PTH2R: variants seen among roughly 807,000 people sequenced by gnomAD.
PTH2R encodes PTH2 receptor.
Under a neutral mutation model 60.3 loss-of-function variants are expected in PTH2R, and 59 were observed. That is an observed-to-expected ratio of 0.98 (90% CI 0.79 to 1.22). PTH2R has a LOEUF of 1.22. PTH2R is among the 50% of genes most tolerant of loss of function. The pLI is 0.00. For synonymous variants in PTH2R, 256 were observed against 243.8 expected, an observed-to-expected ratio of 1.05 and a Z score of -0.47; for missense variants, 749 against 682.6, an observed-to-expected ratio of 1.10 and a Z score of -1.08.
Position 208,489,048 on chromosome 2 carries a change from CTT to C in PTH2R, c.1115_1116del (p.Phe372TrpfsTer26), listed in dbSNP as rs1207832564. 1 of 1,613,950 alleles carries C rather than the reference CTT, an allele frequency of 6.2e-7. No individual in the cohort carries two copies. Among genetic ancestry groups the C allele is most frequent in the Non-Finnish European group, 8.5e-7 (1 of 1,180,012 alleles). On this transcript the variant is annotated frameshift_variant, in exon 11 of 13. Coordinates refer to ENST00000272847, the MANE Select transcript of PTH2R (RefSeq NM_005048.4). LOFTEE classifies it high-confidence loss of function. ...AATCGACACTGGTCCTGGTCCTAGT[CTT>C]TGGAGTGCATTACATCGTGTTCGTA... is the stretch of plus-strand genomic sequence containing the variant. ...AKSTLVLVLV[F>X]GVHYIVFVCL...
intron 1 of PTH2R, among the ~76,000 whole-genome samples, chr2:208,419,572 G>T (rs1356287989): frequency 6.6e-6 from 1 of 152,084 alleles, no homozygotes; most frequent in African/African-American, 2.4e-5. Context: ...CATTGCTTTT[G>T]GTGTTTTAGA....
Position 208,489,162 on chromosome 2 carries a change from T to A in PTH2R, c.1215+12T>A. ...TCAACTCCTTTCAGGTAAAGGGTGCTGCCTAGTCATCTGATTCTTGTAATT... is the reference window on the plus strand; with the variant it reads ...TCAACTCCTTTCAGGTAAAGGGTGCAGCCTAGTCATCTGATTCTTGTAATT... On this transcript the variant is annotated intron_variant, in intron 11 of 12. Transcript: ENST00000272847. 6.8e-6 allele frequency: 11 copies of A among 1,613,710 alleles called. No individual in the cohort carries two copies. The highest frequency in any genetic ancestry group is 9.3e-6 in the Non-Finnish European group (11 of 1,179,818).
At chr2:208,484,193 A>C (rs1703223232) in intron 10 of PTH2R, among the ~76,000 whole-genome samples, 1 of 152,270 alleles carries the variant, frequency 6.6e-6, no homozygotes, top group African/African-American at 2.4e-5. Flanking sequence ...GAAAAACAGA[A>C]AACACCTTTC....
chr2:208,389,806 C>T (rs751594521), intron 1 of PTH2R, among the ~76,000 whole-genome samples: 9 of 150,442 alleles, frequency 6.0e-5, no homozygotes, highest in African/African-American at 1.2e-4. Flanking sequence ...TCTTTTTTTG[C>T]GGGGGTGGGG....
At chr2:208,439,818 A>T (rs1702147059) in intron 4 of PTH2R, among the ~76,000 whole-genome samples, 1 of 152,192 alleles carries the variant, frequency 6.6e-6, no homozygotes, top group African/African-American at 2.4e-5. Context: ...ATTTAGCAGT[A>T]TATATTTAAA....
chr2:208,472,740 G>A (rs1702913142), intron 9 of PTH2R, among the ~76,000 whole-genome samples: 1 of 152,132 alleles, frequency 6.6e-6, no homozygotes, highest in Non-Finnish European at 1.5e-5. Context: ...TCTTAACAAA[G>A]TTAATCTCCT....
chr2:208,467,773 A>G (rs1438171293), intron 9 of PTH2R, among the ~76,000 whole-genome samples: 1 of 152,184 alleles, frequency 6.6e-6, no homozygotes, highest in Non-Finnish European at 1.5e-5. Flanking sequence ...GCATTTCAAA[A>G]AGATGGTTCC....
At chr2:208,481,833 T>A (rs1302453522) in intron 10 of PTH2R, among the ~76,000 whole-genome samples, 1 of 152,246 alleles carries the variant, frequency 6.6e-6, no homozygotes, top group Non-Finnish European at 1.5e-5. Context: ...TTGTTTTTAA[T>A]CTTTACATCA....
intron 1 of PTH2R, among the ~76,000 whole-genome samples, chr2:208,408,983 C>T (rs909158000): frequency 1.3e-5 from 2 of 152,066 alleles, no homozygotes; most frequent in African/African-American, 2.4e-5. Flanking sequence ...ACCCTGTCTC[C>T]TCTATCCACT....
At chr2:208,453,345 T>C (rs1358875056) in intron 8 of PTH2R, among the ~76,000 whole-genome samples, 1 of 152,244 alleles carries the variant, frequency 6.6e-6, no homozygotes, top group Non-Finnish European at 1.5e-5. Context: ...CATTTCATGG[T>C]GAAAACCATA....
chr2:208,444,964 T>G, intron 7 of PTH2R, 77 bp downstream of exon 7: 3 of 1,420,474 alleles, frequency 2.1e-6, no homozygotes, highest in Non-Finnish European at 2.9e-6. Context: ...ATCATTAGCA[T>G]CCCTACAGCC....
intron 7 of PTH2R, 144 bp from the exon 8 acceptor site, chr2:208,450,605 T>A: frequency 2.8e-6 from 2 of 727,256 alleles, no homozygotes; most frequent in Non-Finnish European, 2.3e-6. Context: ...TTAAGTGGAC[T>A]TTTCTTGTTC....
chr2:208,379,026 A>T lies in PTH2R; in HGVS notation c.-259+18789A>T, dbSNP rs551290104. 3.9e-5 allele frequency among the ~76,000 whole-genome samples: 6 copies of T among 152,246 alleles called. No individual in the cohort carries two copies. In the South Asian group the frequency reaches 1.2e-3, roughly 32 times the overall value. On this transcript the variant is annotated intron_variant, in intron 1 of 12. Transcript: ENST00000617735. ...AAGACACAGTGTTAACTGAAGACACAGTTGAAAACTAAAGATAGCTAGTGA... is the reference window on the plus strand; with the variant it reads ...AAGACACAGTGTTAACTGAAGACACTGTTGAAAACTAAAGATAGCTAGTGA...
In PTH2R at chr2:208,406,985, G is replaced by C; in HGVS notation, c.-59G>C. ...TCTGGGCCAGCCAAGTTGGCAACTTGGAAGCTTCTCCCGGGCTCTGGAGGA... is the reference window on the plus strand; with the variant it reads ...TCTGGGCCAGCCAAGTTGGCAACTTCGAAGCTTCTCCCGGGCTCTGGAGGA... On this transcript the variant is annotated 5_prime_UTR_variant, in exon 1 of 13. Transcript: ENST00000272847. The C allele has an allele frequency of 7.5e-7, 1 of 1,337,022 alleles. No individual in the cohort carries two copies. Among genetic ancestry groups the C allele is most frequent in the Non-Finnish European group, 9.7e-7 (1 of 1,028,070 alleles). The allele number at this position is 1,337,022 out of a possible 1,614,324, so 82.8% of individuals were successfully genotyped here. A position where few individuals can be genotyped will look rare whatever the true frequency, so the allele number is the denominator to read the frequency against.
At chr2:208,412,587 C>T (rs1054847103) in intron 1 of PTH2R, among the ~76,000 whole-genome samples, 1 of 152,180 alleles carries the variant, frequency 6.6e-6, no homozygotes, top group African/African-American at 2.4e-5. Context: ...CCTTGAAAGG[C>T]AGAGGTAGTG....
chr2:208,458,959 G>A (rs1435132396), intron 8 of PTH2R, among the ~76,000 whole-genome samples: 4 of 151,886 alleles, frequency 2.6e-5, no homozygotes, highest in African/African-American at 9.7e-5. Context: ...TATTCCTCTG[G>A]GAATATGCCC....
chr2:208,406,737 G>T (rs1701417278), upstream of PTH2R: 1 of 269,396 alleles, frequency 3.7e-6, no homozygotes, highest in Admixed American at 5.4e-5. Context: ...GATCCGCCTG[G>T]GGCGGGAGCC....
At chr2:208,409,364 G>A (rs1701493232) in intron 1 of PTH2R, among the ~76,000 whole-genome samples, 2 of 152,088 alleles carry the variant, frequency 1.3e-5, no homozygotes, top group Admixed American at 1.3e-4. Flanking sequence ...AATTCCATTA[G>A]TTAACCTGGA....
intron 1 of PTH2R, chr2:208,360,920 T>C: frequency 4.6e-6 from 1 of 216,060 alleles, no homozygotes; most frequent in Non-Finnish European, 9.8e-6. Flanking sequence ...ATCCCATGCT[T>C]GACGTCGCAG....
Sources: allele counts gnomAD v4.1 joint callset (sites outside exome capture counted in the v4.1 genomes callset), GRCh38; gene constraint gnomAD v4.1.1; transcripts MANE v1.5; gene names NCBI Gene and HGNC (gene_info 2026-07-23, HGNC 2026-07-21).